Variants in THSD7B observed in about 807,000 individuals in gnomAD.
The protein encoded by THSD7B is thrombospondin type 1 domain containing 7B, also known as thrombospondin type-1 domain-containing protein 7B.
THSD7B carries 138 observed loss-of-function variants against 213.6 expected under a neutral mutation model. The ratio of observed to expected loss-of-function variants is 0.65; its 90% CI spans 0.56 to 0.74. The LOEUF (loss-of-function observed/expected upper bound fraction) is 0.74. Ranked by LOEUF, THSD7B falls within the 30% of genes least tolerant of loss-of-function variation. The pLI is 0.00. For synonymous variants in THSD7B, 742 were observed against 687.0 expected, an observed-to-expected ratio of 1.08 and a Z score of -1.25; for missense variants, 1,931 against 1,991.5, an observed-to-expected ratio of 0.97 and a Z score of 0.58.
chr2:137,322,977 T>C (rs760149760), intron 12 of THSD7B, among the ~76,000 whole-genome samples: 5 of 152,208 alleles, frequency 3.3e-5, no homozygotes, highest in Non-Finnish European at 7.3e-5. Context: ...ATTCCAAAGC[T>C]CTATCGACAG....
At chr2:137,513,784 G>A (rs1459224666) in intron 15 of THSD7B, among the ~76,000 whole-genome samples, 1 of 152,210 alleles carries the variant, frequency 6.6e-6, no homozygotes, top group East Asian at 1.9e-4. Context: ...AACCAGGAGA[G>A]TTTGTGGATG....
In THSD7B at chr2:137,316,706, C is replaced by T. The variant is rs564721893; in HGVS notation, c.2500+40680C>T. ...CCTGGAGGCGGAGCTTGCAGTGAGCCGAGATGGTGCCACTGCACTCCAGCC... is the reference window on the plus strand; with the variant it reads ...CCTGGAGGCGGAGCTTGCAGTGAGCTGAGATGGTGCCACTGCACTCCAGCC... On this transcript the variant is annotated intron_variant, in intron 12 of 27. Transcript: ENST00000409968. Among the ~76,000 whole-genome samples, 246 of 146,292 alleles carry T rather than the reference C, an allele frequency of 1.7e-3. No homozygotes were observed. The Middle Eastern group carries it at 0.022, about 13-fold the overall frequency.
At chr2:137,644,471 C>T (rs72985418) in intron 21 of THSD7B, among the ~76,000 whole-genome samples, 3 of 151,956 alleles carry the variant, frequency 2.0e-5, no homozygotes, top group African/African-American at 4.8e-5. Flanking sequence ...AAAAGCCCAC[C>T]GAAAATGACA....
At chr2:137,031,669 A>G (rs1686670495) in intron 2 of THSD7B, among the ~76,000 whole-genome samples, 1 of 136,144 alleles carries the variant, frequency 7.3e-6, no homozygotes, top group African/African-American at 2.5e-5. Flanking sequence ...AAAAAGAAGC[A>G]TAACAACATG....
chr2:137,376,840 T>G (rs1038101949), intron 12 of THSD7B, among the ~76,000 whole-genome samples: 10 of 152,212 alleles, frequency 6.6e-5, no homozygotes, highest in African/African-American at 2.4e-4. Flanking sequence ...GAGATATTTC[T>G]GAAGGATTTT....
intron 2 of THSD7B, among the ~76,000 whole-genome samples, chr2:136,923,228 G>C (rs958990605): frequency 6.6e-6 from 1 of 152,078 alleles, no homozygotes; most frequent in South Asian, 2.1e-4. Flanking sequence ...TTTTTGGACT[G>C]GTTTATTTCT....
chr2:137,126,786 A>G (rs868007765), intron 5 of THSD7B, among the ~76,000 whole-genome samples: 1 of 152,112 alleles, frequency 6.6e-6, no homozygotes, highest in African/African-American at 2.4e-5. Context: ...CTAGCTTTTG[A>G]TTTAAAGTGA....
intron 2 of THSD7B, among the ~76,000 whole-genome samples, chr2:136,968,155 A>C (rs146526310): frequency 6.6e-6 from 1 of 152,156 alleles, no homozygotes; most frequent in Non-Finnish European, 1.5e-5. Context: ...CTGGGCATGT[A>C]TATCTTCAAT....
chr2:137,294,602 AAAG>A (rs2104837601), intron 12 of THSD7B, among the ~76,000 whole-genome samples: 1 of 150,624 alleles, frequency 6.6e-6, no homozygotes, highest in African/African-American at 2.4e-5. Context: ...AAAAAAAAAA[AAAG>A]AAAGGGAGAG....
At chr2:136,857,377 C>T (rs544578409) in intron 1 of THSD7B, among the ~76,000 whole-genome samples, 8 of 152,262 alleles carry the variant, frequency 5.3e-5, no homozygotes, top group East Asian at 1.9e-4. Flanking sequence ...CACATGCCTG[C>T]GTTCCCACCA....
At chr2:136,834,574 C>CA (rs1237244656) in intron 1 of THSD7B, among the ~76,000 whole-genome samples, 1 of 151,452 alleles carries the variant, frequency 6.6e-6, no homozygotes, top group African/African-American at 2.4e-5. Flanking sequence ...ATCTCGGTGT[C>CA]AGAGTTTTAT....
At chr2:136,908,405 C>T (rs922281664) in intron 2 of THSD7B, among the ~76,000 whole-genome samples, 2 of 152,072 alleles carry the variant, frequency 1.3e-5, no homozygotes, top group African/African-American at 4.8e-5. Context: ...AACTAAGTCA[C>T]GTAGTGAAAT....
intron 5 of THSD7B, among the ~76,000 whole-genome samples, chr2:137,154,107 T>A (rs1464388747): frequency 6.6e-6 from 1 of 152,150 alleles, no homozygotes; most frequent in Non-Finnish European, 1.5e-5. Flanking sequence ...GAAGATAGAA[T>A]GTTTTATTTG....
intron 15 of THSD7B, among the ~76,000 whole-genome samples, chr2:137,476,288 T>C (rs1342169958): frequency 6.6e-6 from 1 of 152,202 alleles, no homozygotes; most frequent in Non-Finnish European, 1.5e-5. Context: ...ACTCTGTTGA[T>C]TGTTATCTGT....
At chr2:137,296,140 A>T (rs1345584569) in intron 12 of THSD7B, among the ~76,000 whole-genome samples, 1 of 152,158 alleles carries the variant, frequency 6.6e-6, no homozygotes, top group Admixed American at 6.5e-5. Flanking sequence ...CATATTCCAT[A>T]TTGCAAATTT....
At chr2:136,825,718 ATTTT>A (rs55814718) in intron 1 of THSD7B, among the ~76,000 whole-genome samples, 1 of 116,894 alleles carries the variant, frequency 8.6e-6, no homozygotes, top group Non-Finnish European at 1.7e-5. Context: ...TGCCTGGCTA[ATTTT>A]TTTTTTTTTT....
At chr2:137,177,745 T>A (rs1229498044) in intron 7 of THSD7B, among the ~76,000 whole-genome samples, 3 of 152,118 alleles carry the variant, frequency 2.0e-5, no homozygotes, top group Non-Finnish European at 4.4e-5. Context: ...CAGCATGTCT[T>A]ACAAGGCATG....
intron 12 of THSD7B, among the ~76,000 whole-genome samples, chr2:137,284,662 G>A (rs555331541): frequency 3.6e-4 from 55 of 152,204 alleles, no homozygotes; most frequent in African/African-American, 1.1e-3. Flanking sequence ...TATGCATCCC[G>A]TAGTCATTCA....
intron 10 of THSD7B, among the ~76,000 whole-genome samples, chr2:137,267,841 A>C (rs1682632346): frequency 6.6e-6 from 1 of 152,224 alleles, no homozygotes; most frequent in Non-Finnish European, 1.5e-5. Flanking sequence ...CCAGTGGCAA[A>C]GCCACTATCC....
Sources: gnomAD v4.1 joint callset for allele counts (sites outside exome capture counted in the v4.1 genomes callset) on GRCh38, gnomAD v4.1.1 for gene constraint, MANE v1.5 for transcripts, NCBI Gene and HGNC (gene_info 2026-07-23, HGNC 2026-07-21) for gene names.